MFAP3L: variants seen among roughly 807,000 people sequenced by gnomAD.
The protein encoded by MFAP3L is microfibrillar-associated protein 3-like.
MFAP3L carries 5 observed loss-of-function variants against 20.0 expected under a neutral mutation model. The observed-to-expected ratio is 0.25, with a 90% CI of 0.13 to 0.53. MFAP3L has a LOEUF of 0.53. Ranked by LOEUF, MFAP3L falls within the 20% of genes least tolerant of loss-of-function variation. The pLI, the probability that MFAP3L is intolerant of heterozygous loss-of-function variation, is 0.96. For missense variants in MFAP3L, 409 were observed against 527.5 expected (o/e 0.78, Z 2.20); for synonymous variants, 219 against 213.0 (o/e 1.03, Z -0.25).
At chr4:169,999,478 G>A (rs1436051942) in intron 2 of MFAP3L, among the ~76,000 whole-genome samples, 1 of 152,186 alleles carries the variant, frequency 6.6e-6, no homozygotes, top group African/African-American at 2.4e-5. Flanking sequence ...TGCCAAGCAT[G>A]TAATTCCATA....
At chr4:169,995,809 A>C (rs2110936077) in intron 2 of MFAP3L, among the ~76,000 whole-genome samples, 1 of 152,318 alleles carries the variant, frequency 6.6e-6, no homozygotes, top group African/African-American at 2.4e-5. Context: ...ATGTTCATGA[A>C]GCTGCATTGC....
At chr4:170,025,457 T>A (rs1740291112) in intron 1 of MFAP3L, among the ~76,000 whole-genome samples, 3 of 152,358 alleles carry the variant, frequency 2.0e-5, no homozygotes, top group Admixed American at 2.0e-4. Context: ...CGATCGTATC[T>A]TAACTGTTTT....
Position 170,005,883 on chromosome 4 carries a change from T to C in MFAP3L, c.-6A>G. 1 of 1,612,258 alleles carries C rather than the reference T, an allele frequency of 6.2e-7. No individual in the cohort carries two copies. The highest frequency in any genetic ancestry group is 8.5e-7 in the Non-Finnish European group (1 of 1,178,656). ...TGGCTCTTCAATCGATCCATCTTCT[T>C]TGCTTGCTCTGTAAGGCAATAGAGA... On this transcript the variant is annotated 5_prime_UTR_variant, in exon 2 of 3. Coordinates refer to ENST00000361618, the MANE Select transcript of MFAP3L (RefSeq NM_021647.8).
In MFAP3L at chr4:170,026,268, C is replaced by T. The variant is rs1184304669; in HGVS notation, c.-168G>A. The T allele has an allele frequency of 6.1e-6, 6 of 984,456 alleles. No homozygotes were observed. Among genetic ancestry groups the T allele is most frequent in the Non-Finnish European group, 7.2e-6 (6 of 829,652 alleles). The allele number at this position is 984,456 out of a possible 1,614,324, so 61.0% of individuals were successfully genotyped here. On this transcript the variant is annotated 5_prime_UTR_variant, in exon 1 of 3. Transcript: ENST00000361618. ...CCGCGCCACTCAGGTGGCCGCCGTG[C>T]ACCCCTCGCCATGGCCAGCCCGACA...
rs562593751 is a variant in MFAP3L, at chr4:170,002,167, T to G, written c.298+3413A>C. On this transcript the variant is annotated intron_variant, in intron 2 of 2. Transcript: ENST00000361618. ...TAGTGAGGATGCCTTTTCCATCTAG[T>G]TCTTCTCATATTCACTCAGTCTGAG... 13 of 879,860 alleles carry G rather than the reference T, an allele frequency of 1.5e-5. No homozygotes were observed. In the South Asian group the frequency reaches 2.2e-4, roughly 15 times the overall value. 54.5% of individuals were successfully genotyped at this position (879,860 alleles called of 1,614,324 possible).
Position 169,995,359 on chromosome 4 carries a change from G to A in MFAP3L, c.299-3050C>T, listed in dbSNP as rs115993081. On this transcript the variant is annotated intron_variant, in intron 2 of 2. Coordinates refer to ENST00000361618, the MANE Select transcript of MFAP3L (RefSeq NM_021647.8). ...TTTGTAAAGGCCAGTATATTAATTC[G>A]TTCTGGGAACCAAGACTCCAAATAT... Among the ~76,000 whole-genome samples the A allele has an allele frequency of 7.3e-3, 1,109 of 152,140 alleles. 13 individuals are homozygous for A. Among genetic ancestry groups the A allele is most frequent in the African/African-American group, 0.025 (1,038 of 41,508 alleles).
intron 1 of MFAP3L, among the ~76,000 whole-genome samples, chr4:170,012,077 T>G (rs1739419027): frequency 6.6e-6 from 1 of 151,862 alleles, no homozygotes. Flanking sequence ...CACTCACAGG[T>G]TTTGAAAAGG....
intron 2 of MFAP3L, among the ~76,000 whole-genome samples, chr4:169,995,451 C>T (rs895227903): frequency 3.9e-5 from 6 of 152,302 alleles, no homozygotes; most frequent in African/African-American, 7.2e-5. Context: ...TCTACTGCCA[C>T]GTACAGCTCT....
chr4:170,006,183 G>C (rs914388633), intron 1 of MFAP3L, among the ~76,000 whole-genome samples, 173 bp from the exon 2 acceptor site: 3 of 151,512 alleles, frequency 2.0e-5, no homozygotes, highest in African/African-American at 7.3e-5. Flanking sequence ...GGCGATCTTG[G>C]CTCACTGCAA....
intron 2 of MFAP3L, among the ~76,000 whole-genome samples, chr4:169,995,329 C>T (rs1172155358): frequency 6.6e-6 from 1 of 152,202 alleles, no homozygotes; most frequent in Non-Finnish European, 1.5e-5. Context: ...TCCCCCACCC[C>T]CTTTTTTGTA....
At position 169,992,062 on chromosome 4, in the gene MFAP3L, A is replaced by T. The variant is rs756810340; in HGVS notation, c.546T>A (p.Thr182=). Residue 182 remains threonine (T), a synonymous_variant, in exon 3 of 3, where the codon ACT becomes ACA. Coordinates refer to ENST00000361618, the MANE Select transcript of MFAP3L (RefSeq NM_021647.8). This position sits in a 1 kb window ranked among gnomAD's most constrained non-coding sequence, Gnocchi z 4.3. ...TAAAGAACTCATTGATGGCCTTCTCAGTCTTCTTTAGATGGCTGCTCATCA... is the reference window on the plus strand; with the variant it reads ...TAAAGAACTCATTGATGGCCTTCTCTGTCTTCTTTAGATGGCTGCTCATCA... ...LCMMSSHLKK[T]EKAINEFFRT... 22 of 1,614,010 alleles carry T rather than the reference A, an allele frequency of 1.4e-5. No homozygotes were observed. Among genetic ancestry groups the T allele is most frequent in the Non-Finnish European group, 1.9e-5 (22 of 1,180,040 alleles).
chr4:170,026,683 C>G (rs1252775672), upstream of MFAP3L, among the ~76,000 whole-genome samples: 3 of 152,176 alleles, frequency 2.0e-5, no homozygotes, highest in African/African-American at 4.8e-5. Context: ...CCCGCAGGCC[C>G]AGGGCCTCCG....
At chr4:170,012,687 T>C (rs1289278418) in intron 1 of MFAP3L, among the ~76,000 whole-genome samples, 1 of 152,232 alleles carries the variant, frequency 6.6e-6, no homozygotes, top group African/African-American at 2.4e-5. Context: ...TTAGAGCCTG[T>C]CTTTTTAAAG....
intron 2 of MFAP3L, among the ~76,000 whole-genome samples, chr4:170,001,462 G>T (rs1254773616): frequency 6.6e-6 from 1 of 152,130 alleles, no homozygotes; most frequent in African/African-American, 2.4e-5. Flanking sequence ...CTAACTTAAT[G>T]GAAGAATTTC....
At chr4:170,007,433 C>A (rs1739116224) in intron 1 of MFAP3L, among the ~76,000 whole-genome samples, 1 of 152,166 alleles carries the variant, frequency 6.6e-6, no homozygotes, top group Non-Finnish European at 1.5e-5. Context: ...TGAGAGAGAC[C>A]AGGCCAGGAT....
chr4:170,026,704 G>A (rs1406025093), upstream of MFAP3L, among the ~76,000 whole-genome samples: 2 of 152,280 alleles, frequency 1.3e-5, no homozygotes, highest in South Asian at 2.1e-4. Flanking sequence ...CGGCAGCGCG[G>A]GACTCTCACT....
intron 1 of MFAP3L, among the ~76,000 whole-genome samples, chr4:170,018,920 G>A (rs770351490): frequency 1.3e-4 from 20 of 152,318 alleles, no homozygotes; most frequent in Non-Finnish European, 2.2e-4. Flanking sequence ...GCGGTAAGCA[G>A]CAATTTTCAA....
upstream of MFAP3L, chr4:170,027,198 GCTT>G (rs1046537712): frequency 4.7e-5 from 7 of 149,502 alleles, no homozygotes; most frequent in Admixed American, 6.7e-5. Context: ...AATGTTAGTG[GCTT>G]CTTCTCCTCC....
rs552579199 is a variant in MFAP3L, at chr4:169,990,763, A to G, written c.*615T>C. ...TAACAAGCCTCGTAACTACTTTGGA[A>G]CATGACAAATGTAATGTGACTTGTA... On this transcript the variant is annotated 3_prime_UTR_variant, in exon 3 of 3. Coordinates refer to ENST00000361618, the MANE Select transcript of MFAP3L (RefSeq NM_021647.8). 2 of 152,492 alleles carry G rather than the reference A, an allele frequency of 1.3e-5. No homozygotes were observed. The highest frequency in any genetic ancestry group is 6.5e-5 in the Admixed American group (1 of 15,284). 9.4% of individuals were successfully genotyped at this position (152,492 alleles called of 1,614,324 possible).
Sources: allele counts gnomAD v4.1 joint callset (sites outside exome capture counted in the v4.1 genomes callset), GRCh38; gene constraint gnomAD v4.1.1; non-coding constraint Gnocchi (gnomAD v3.1); transcripts MANE v1.5; gene names NCBI Gene and HGNC (gene_info 2026-07-23, HGNC 2026-07-21).